LAP3: variants seen among roughly 807,000 people sequenced by gnomAD.
LAP3 encodes the protein leucine aminopeptidase 3.
Under a neutral mutation model 58.8 loss-of-function variants are expected in LAP3, and 46 were observed. That is an observed-to-expected ratio of 0.78 (90% CI 0.62 to 1.00). LAP3 has a LOEUF of 1.00. Among genes scored for constraint, LAP3 ranks in the 50% least tolerant of loss-of-function variants. LAP3 has a pLI of 0.00. For missense variants in LAP3, 615 were observed against 659.1 expected (o/e 0.93, Z 0.73); for synonymous variants, 257 against 237.7 (o/e 1.08, Z -0.75).
At chr4:17,586,036 G>A (rs2109019300) in intron 6 of LAP3, 1 of 152,286 alleles carries the variant, frequency 6.6e-6, no homozygotes, top group South Asian at 2.1e-4. Context: ...AACTAGACAT[G>A]GGATGAGAAT....
intron 11 of LAP3, among the ~76,000 whole-genome samples, chr4:17,604,885 G>A (rs1382970728): frequency 6.6e-6 from 1 of 152,158 alleles, no homozygotes; most frequent in East Asian, 1.9e-4. Flanking sequence ...CTCCCCTCCG[G>A]TAGCCTCAGC....
chr4:17,578,670 A>G (rs957015696), intron 1 of LAP3, among the ~76,000 whole-genome samples: 1 of 152,238 alleles, frequency 6.6e-6, no homozygotes, highest in Non-Finnish European at 1.5e-5. Flanking sequence ...TTTTAAAGTC[A>G]TAAATTGCCG....
intron 11 of LAP3, among the ~76,000 whole-genome samples, chr4:17,606,322 G>A (rs556961510): frequency 3.3e-5 from 5 of 152,136 alleles, no homozygotes; most frequent in African/African-American, 7.2e-5. Context: ...CAGCATTCCC[G>A]GTTTCTTTTT....
intron 7 of LAP3, among the ~76,000 whole-genome samples, chr4:17,590,332 A>G (rs1713652839): frequency 6.6e-6 from 1 of 152,134 alleles, no homozygotes; most frequent in Non-Finnish European, 1.5e-5. Context: ...TTCTAGACGT[A>G]GGAAGCCCCT....
At position 17,595,475 on chromosome 4, in the gene LAP3, C is replaced by G. The variant is rs767951031; in HGVS notation, c.929C>G (p.Ala310Gly). ...ATGAGGGCTGACATGGGAGGAGCTG[C>G]AACTATATGCTCAGCCATCGTGTCT... ...DLMRADMGGA[A>G]TICSAIVSAA... The change falls in exon 8 of 13, where the codon GCA becomes GGA. Residue 310 changes from alanine to glycine, a missense_variant. Physicochemically the swap from Ala to Gly is moderately conservative, Grantham distance 60 (BLOSUM62 0). Transcript: ENST00000226299. 2.5e-6 allele frequency: 4 copies of G among 1,613,802 alleles called. No homozygotes were observed. The South Asian group carries it at 4.4e-5, about 18-fold the overall frequency.
intron 7 of LAP3, among the ~76,000 whole-genome samples, chr4:17,592,170 G>A (rs1713702353): frequency 3.3e-5 from 5 of 152,212 alleles, no homozygotes; most frequent in African/African-American, 1.2e-4. Context: ...CCTATGCACC[G>A]TTCACCACTG....
chr4:17,596,348 G>T (rs1016381982), intron 8 of LAP3, among the ~76,000 whole-genome samples: 1 of 151,454 alleles, frequency 6.6e-6, no homozygotes, highest in Non-Finnish European at 1.5e-5. Context: ...TGGTTTTTTG[G>T]TTTTTTTTGA....
At chr4:17,599,718 T>TTC (rs1713939915) in intron 10 of LAP3, among the ~76,000 whole-genome samples, 1 of 152,020 alleles carries the variant, frequency 6.6e-6, no homozygotes, top group African/African-American at 2.4e-5. Context: ...TTTTTTTTTT[T>TTC]TTCTTCTGGA....
intron 7 of LAP3, among the ~76,000 whole-genome samples, chr4:17,593,975 G>A (rs6820910): frequency 0.033 from 5,009 of 152,174 alleles, 275 homozygotes; most frequent in African/African-American, 0.11. Flanking sequence ...GATTTTGTGT[G>A]TGTGTAAAAA....
intron 10 of LAP3, among the ~76,000 whole-genome samples, chr4:17,601,225 G>A (rs530229697): frequency 4.9e-4 from 74 of 152,288 alleles, no homozygotes; most frequent in African/African-American, 1.7e-3. Context: ...GGCTCCAAAC[G>A]TGCCTTGTAA....
chr4:17,605,231 G>C (rs1315633351), intron 11 of LAP3, among the ~76,000 whole-genome samples: 1 of 147,742 alleles, frequency 6.8e-6, no homozygotes, highest in East Asian at 2.0e-4. Flanking sequence ...AGGTGACTCT[G>C]TGGCCTCCTG....
chr4:17,604,748 C>A, intron 11 of LAP3, 81 bp downstream of exon 11: 2 of 1,100,368 alleles, frequency 1.8e-6, no homozygotes, highest in Non-Finnish European at 2.7e-6. Flanking sequence ...CTTCTTCAAC[C>A]CTGTGTTAAA....
chr4:17,602,185 C>T lies in LAP3; in HGVS notation c.1181-2403C>T, dbSNP rs147134208. Among the ~76,000 whole-genome samples the T allele has an allele frequency of 5.6e-4, 85 of 152,268 alleles. 1 individual carries two copies. The East Asian group carries it at 0.013, about 24-fold the overall frequency. ...GGTGGGTTCAGTGCTTGTCCTGATACTGAAGGATAGTAAGGTTTGCTTTTC... is the reference window on the plus strand; with the variant it reads ...GGTGGGTTCAGTGCTTGTCCTGATATTGAAGGATAGTAAGGTTTGCTTTTC... On this transcript the variant is annotated intron_variant, in intron 10 of 12. Transcript: ENST00000226299.
At chr4:17,583,395 T>C in intron 4 of LAP3, 88 bp from the exon 5 acceptor site, 2 of 1,456,206 alleles carry the variant, frequency 1.4e-6, no homozygotes, top group Non-Finnish European at 1.9e-6. Flanking sequence ...AGGGCTGTTT[T>C]CTCAGCACAT....
intron 7 of LAP3, among the ~76,000 whole-genome samples, chr4:17,592,240 A>G (rs1422317420): frequency 6.6e-6 from 1 of 152,166 alleles, no homozygotes. Context: ...TTTTGTAGTC[A>G]TTCCCCACCT....
Position 17,607,295 on chromosome 4 carries a change from A to G in LAP3, c.1371-105A>G, listed in dbSNP as rs187246559. On this transcript the variant is annotated intron_variant, in intron 12 of 12. Coordinates refer to ENST00000226299, the MANE Select transcript of LAP3 (RefSeq NM_015907.3). Reference sequence around the variant, plus strand: ...GGGTTAGCATCTTAATAGGTCTTACAAGCTTGACTCTTGTTCTTTGGTTAT... The same window carrying G: ...GGGTTAGCATCTTAATAGGTCTTACGAGCTTGACTCTTGTTCTTTGGTTAT... 2.4e-3 allele frequency: 2,239 copies of G among 920,492 alleles called. 9 individuals carry two copies. Among genetic ancestry groups the G allele is most frequent in the Non-Finnish European group, 2.9e-3 (1,775 of 607,020 alleles). The allele number at this position is 920,492 out of a possible 1,614,324, so 57.0% of individuals were successfully genotyped here.
chr4:17,586,989 C>T (rs985854975), intron 6 of LAP3, among the ~76,000 whole-genome samples: 4 of 152,118 alleles, frequency 2.6e-5, no homozygotes, highest in African/African-American at 7.2e-5. Flanking sequence ...GCCTGTGATC[C>T]CAGCTACTCG....
chr4:17,603,103 C>G (rs973709885), intron 10 of LAP3, among the ~76,000 whole-genome samples: 2 of 151,408 alleles, frequency 1.3e-5, no homozygotes, highest in Non-Finnish European at 2.9e-5. Context: ...GTCAGGAGAT[C>G]AAGACCATCC....
intron 10 of LAP3, among the ~76,000 whole-genome samples, chr4:17,603,616 A>G (rs1036781525): frequency 1.5e-4 from 23 of 151,382 alleles, no homozygotes; most frequent in Non-Finnish European, 2.7e-4. Context: ...AAGCGGTTCA[A>G]GCGATTCTCC....
Sources: allele counts gnomAD v4.1 joint callset (sites outside exome capture counted in the v4.1 genomes callset), GRCh38; gene constraint gnomAD v4.1.1; transcripts MANE v1.5; gene names NCBI Gene and HGNC (gene_info 2026-07-23, HGNC 2026-07-21).